CNNM3: variants seen among roughly 807,000 people sequenced by gnomAD.
The protein encoded by CNNM3 is cyclin and CBS domain divalent metal cation transport mediator 3.
A neutral mutation model predicts 57.1 loss-of-function variants in CNNM3; 47 were observed. The observed-to-expected ratio is 0.82, with a 90% CI of 0.65 to 1.05. The LOEUF is 1.05. Among genes scored for constraint, CNNM3 ranks in the 50% least tolerant of loss-of-function variants. The pLI, the probability that CNNM3 is intolerant of heterozygous loss-of-function variation, is 0.00. For synonymous variants in CNNM3, 507 were observed against 478.2 expected, an observed-to-expected ratio of 1.06 and a Z score of -0.79; for missense variants, 957 against 973.7, an observed-to-expected ratio of 0.98 and a Z score of 0.23.
At position 96,832,938 on chromosome 2, in the gene CNNM3, G is replaced by A; in HGVS notation, c.*322G>A. 2 of 1,400,314 alleles carry A rather than the reference G, an allele frequency of 1.4e-6. No individual in the cohort carries two copies. The highest frequency in any genetic ancestry group is 9.4e-7 in the Non-Finnish European group (1 of 1,060,530). The allele number at this position is 1,400,314 out of a possible 1,614,324, so 86.7% of individuals were successfully genotyped here. ...TCTCCCCCGGGGCAGGGACAGTGCG[G>A]CATATTCAGATTCAGACCTCTTTGG... On this transcript the variant is annotated 3_prime_UTR_variant, in exon 8 of 8. Transcript: ENST00000305510.
At chr2:96,836,452 G>C (rs1438430305), downstream of CNNM3, among the ~76,000 whole-genome samples, 1 of 151,984 alleles carries the variant, frequency 6.6e-6, no homozygotes, top group Non-Finnish European at 1.5e-5. Flanking sequence ...TGTTGGTCAG[G>C]CTGGTCTCAA....
In CNNM3 at chr2:96,834,622, T is replaced by G. The variant is rs1042345605; in HGVS notation, c.*2006T>G. On this transcript the variant is annotated 3_prime_UTR_variant, in exon 8 of 8. Transcript: ENST00000305510. ...CCTCGGCCTCCCAAAGTGTTGAGAT[T>G]ATAGGCGTGAGCCACCGTGCCCAGA... Among the ~76,000 whole-genome samples, 2 of 148,138 alleles carry G rather than the reference T, an allele frequency of 1.4e-5. No individual in the cohort carries two copies. The highest frequency in any genetic ancestry group is 5.2e-5 in the African/African-American group (2 of 38,820).
Position 96,816,430 on chromosome 2 carries a change from AG to A in CNNM3, c.157del (p.Ala53ArgfsTer104). 2 of 1,387,018 alleles carry A rather than the reference AG, an allele frequency of 1.4e-6. No individual in the cohort carries two copies. Among genetic ancestry groups the A allele is most frequent in the Non-Finnish European group, 1.9e-6 (2 of 1,073,294 alleles). 85.9% of individuals were successfully genotyped at this position (1,387,018 alleles called of 1,614,324 possible). ...CGGCGGGCGCGGGTTGGGTACGCGG[AG>A]GGGCGGCGCGGGACACGCCGGACGC... ...GAAGAGWVRG[G>X]AARDTPDATF... On this transcript the variant is annotated frameshift_variant, in exon 1 of 8. Coordinates refer to ENST00000305510, the MANE Select transcript of CNNM3 (RefSeq NM_017623.5). LOFTEE classifies it high-confidence loss of function.
rs1219994046 is a variant in CNNM3, at chr2:96,816,346, C to T, written c.69C>T (p.Ala23=). ...TCGCCGCGCTCTGCCTGGGCAACGC[C>T]GCGGGGGAGGCCGCGCCGGGCCCGC... ...WLFAALCLGN[A]AGEAAPGPRV... is the part of the protein sequence containing the mutation. Residue 23 remains alanine (A), a synonymous_variant, in exon 1 of 8, where the codon GCC becomes GCT. Coordinates refer to ENST00000305510, the MANE Select transcript of CNNM3 (RefSeq NM_017623.5). 2.3e-6 allele frequency: 3 copies of T among 1,292,956 alleles called. No homozygotes were observed. In the African/African-American group the frequency reaches 4.6e-5, roughly 20 times the overall value. The allele number at this position is 1,292,956 out of a possible 1,614,324, so 80.1% of individuals were successfully genotyped here. A position where few individuals can be genotyped will look rare whatever the true frequency, so the allele number is the denominator to read the frequency against.
intron 1 of CNNM3, among the ~76,000 whole-genome samples, chr2:96,822,886 AAAATT>A (rs149780929): frequency 0.047 from 7,143 of 152,276 alleles, 555 homozygotes; most frequent in African/African-American, 0.16. Flanking sequence ...CCTGCTAACT[AAAATT>A]AAACTTGAAG....
At chr2:96,821,024 C>G (rs2079398170) in intron 1 of CNNM3, among the ~76,000 whole-genome samples, 1 of 152,144 alleles carries the variant, frequency 6.6e-6, no homozygotes, top group Non-Finnish European at 1.5e-5. Flanking sequence ...TTTCTAAAAG[C>G]TGCCTGACAA....
In CNNM3 at chr2:96,832,820, CAG is replaced by C; in HGVS notation, c.*205_*206del. ...GCCGGCCCTGCCCTCCTTTAGGAGA[CAG>C]GAGTCACCAGGGCACAGCCCTCCAG... On this transcript the variant is annotated 3_prime_UTR_variant, in exon 8 of 8. Transcript: ENST00000305510. 6.6e-7 allele frequency: 1 copy of C among 1,512,176 alleles called. No individual in the cohort carries two copies. The highest frequency in any genetic ancestry group is 8.8e-7 in the Non-Finnish European group (1 of 1,132,406). 93.7% of individuals were successfully genotyped at this position (1,512,176 alleles called of 1,614,324 possible). A position where few individuals can be genotyped will look rare whatever the true frequency, so the allele number is the denominator to read the frequency against.
chr2:96,830,134 T>G (rs932931088), intron 7 of CNNM3, among the ~76,000 whole-genome samples: 6 of 152,236 alleles, frequency 3.9e-5, no homozygotes, highest in Admixed American at 3.9e-4. Flanking sequence ...AAGAAGATAC[T>G]TTAATTCTGA....
In CNNM3 at chr2:96,832,556, C is replaced by T. The variant is rs1184807443; in HGVS notation, c.2064C>T (p.Ser688=). The part of the protein sequence containing the change: ...LGEKTTTAAG[S]SHSRPGVPVE... Reference sequence around the variant, plus strand: ...TCCTTCCCTTGTCTCCTGTAGGGTCCAGCCACAGCAGGCCCGGCGTCCCGG... The same window carrying T: ...TCCTTCCCTTGTCTCCTGTAGGGTCTAGCCACAGCAGGCCCGGCGTCCCGG... The change falls in exon 8 of 8, where the codon TCC becomes TCT. Residue 688 remains serine (S), a synonymous_variant. Coordinates refer to ENST00000305510, the MANE Select transcript of CNNM3 (RefSeq NM_017623.5). 1.2e-6 allele frequency: 2 copies of T among 1,614,106 alleles called. No homozygotes were observed. The highest frequency in any genetic ancestry group is 1.7e-6 in the Non-Finnish European group (2 of 1,180,048).
Position 96,829,058 on chromosome 2 carries a change from C to A in CNNM3, c.1983C>A (p.Ser661=). Residue 661 remains serine (S), a synonymous_variant, in exon 7 of 8, where the codon TCC becomes TCA. Coordinates refer to ENST00000305510, the MANE Select transcript of CNNM3 (RefSeq NM_017623.5). ...LATRAQNLPQ[S]PENTDLQVIP... ...CCCGAGCCCAGAACCTGCCACAGTCCCCTGAGAACACCGACCTGCAGGTTA... is the reference window on the plus strand; with the variant it reads ...CCCGAGCCCAGAACCTGCCACAGTCACCTGAGAACACCGACCTGCAGGTTA... The A allele has an allele frequency of 6.2e-7, 1 of 1,613,998 alleles. No individual in the cohort carries two copies. The highest frequency in any genetic ancestry group is 1.3e-5 in the African/African-American group (1 of 74,980).
At chr2:96,826,088 G>A (rs560937851) in intron 2 of CNNM3, among the ~76,000 whole-genome samples, 3 of 152,320 alleles carry the variant, frequency 2.0e-5, no homozygotes, top group East Asian at 1.9e-4. Flanking sequence ...CTCTAGTTCC[G>A]TTCTTGAGAC....
chr2:96,829,038 G>A lies in CNNM3; in HGVS notation c.1963G>A (p.Ala655Thr), dbSNP rs1046683347. Reference sequence around the variant, plus strand: ...CCTCAATGCACTCCTGGCTACCCGAGCCCAGAACCTGCCACAGTCCCCTGA... The same window carrying A: ...CCTCAATGCACTCCTGGCTACCCGAACCCAGAACCTGCCACAGTCCCCTGA... Reference protein sequence around the residue: ...QYLNALLATRAQNLPQSPENT... With the variant: ...QYLNALLATRTQNLPQSPENT... Residue 655 changes from alanine (A) to threonine (T), a missense_variant, in exon 7 of 8, where the codon GCC becomes ACC. Physicochemically the swap from Ala to Thr is moderately conservative, Grantham distance 58 (BLOSUM62 0). Coordinates refer to ENST00000305510, the MANE Select transcript of CNNM3 (RefSeq NM_017623.5). The A allele has an allele frequency of 1.9e-6, 3 of 1,613,996 alleles. No individual in the cohort carries two copies. Among genetic ancestry groups the A allele is most frequent in the Non-Finnish European group, 2.5e-6 (3 of 1,180,012 alleles).
Position 96,816,879 on chromosome 2 carries a change from T to C in CNNM3, c.602T>C (p.Leu201Pro). ...TGCGCCTTGGGCGCGCTGCTGCTGCTGGCCAGCCTGGCGCAGGCGGCGCTG... is the reference window on the plus strand; with the variant it reads ...TGCGCCTTGGGCGCGCTGCTGCTGCCGGCCAGCCTGGCGCAGGCGGCGCTG... ...AGCALGALLL[L>P]ASLAQAALAV... The change falls in exon 1 of 8, where the codon CTG (leucine) becomes CCG (proline). Residue 201 changes from leucine to proline, a missense_variant. Physicochemically the swap from Leu to Pro is moderately conservative, Grantham distance 98. This residue lies in a region of CNNM3 where 466 missense variants were observed against 403.1 expected (regional missense o/e 1.16). Coordinates refer to ENST00000305510, the MANE Select transcript of CNNM3 (RefSeq NM_017623.5). The C allele has an allele frequency of 1.8e-6, 2 of 1,101,686 alleles. No individual in the cohort carries two copies. Among genetic ancestry groups the C allele is most frequent in the East Asian group, 5.7e-5 (1 of 17,584 alleles). The allele number at this position is 1,101,686 out of a possible 1,614,324, so 68.2% of individuals were successfully genotyped here.
Position 96,833,042 on chromosome 2 carries a change from ATCGCTGCTGGC to A in CNNM3, c.*427_*437del, listed in dbSNP as rs2079631873. On this transcript the variant is annotated 3_prime_UTR_variant, in exon 8 of 8. Coordinates refer to ENST00000305510, the MANE Select transcript of CNNM3 (RefSeq NM_017623.5). Reference sequence around the variant, plus strand: ...TTGTTTGCTTTTAATTTGCCAACCTATCGCTGCTGGCAGCACTTTTTGAGCAAGCCGAGAGC... The same window carrying A: ...TTGTTTGCTTTTAATTTGCCAACCTAAGCACTTTTTGAGCAAGCCGAGAGC... 2 of 1,294,122 alleles carry A rather than the reference ATCGCTGCTGGC, an allele frequency of 1.5e-6. No individual in the cohort carries two copies. The highest frequency in any genetic ancestry group is 2.0e-6 in the Non-Finnish European group (2 of 991,222). 80.2% of individuals were successfully genotyped at this position (1,294,122 alleles called of 1,614,324 possible).
intron 1 of CNNM3, among the ~76,000 whole-genome samples, chr2:96,821,955 G>C (rs2079412764): frequency 6.6e-6 from 1 of 151,416 alleles, no homozygotes; most frequent in Non-Finnish European, 1.5e-5. Context: ...TTGAACCATT[G>C]TTAAGTAAGG....
At chr2:96,820,438 A>T (rs2079389065) in intron 1 of CNNM3, among the ~76,000 whole-genome samples, 1 of 152,192 alleles carries the variant, frequency 6.6e-6, no homozygotes. Context: ...TGGGAGGCAG[A>T]ATAGGAGTGT....
intron 1 of CNNM3, among the ~76,000 whole-genome samples, chr2:96,817,952 T>C (rs2079350054): frequency 6.6e-6 from 1 of 152,240 alleles, no homozygotes; most frequent in African/African-American, 2.4e-5. Flanking sequence ...TCAAATTGAC[T>C]GGACCTGTAA....
At chr2:96,829,155 C>A in intron 7 of CNNM3, 21 bp downstream of exon 7, 2 of 1,612,668 alleles carry the variant, frequency 1.2e-6, no homozygotes, top group East Asian at 4.5e-5. Flanking sequence ...AGTGGTACAT[C>A]GTGCATGGTG....
chr2:96,830,063 A>G (rs1278141205), intron 7 of CNNM3, among the ~76,000 whole-genome samples: 1 of 152,194 alleles, frequency 6.6e-6, no homozygotes, highest in Non-Finnish European at 1.5e-5. Flanking sequence ...GAGGGAGGTG[A>G]AAGAGTCTGA....
Sources: gnomAD v4.1 joint callset for allele counts (sites outside exome capture counted in the v4.1 genomes callset) on GRCh38, gnomAD v4.1.1 for gene constraint, gnomAD v4.1.1 regional missense constraint, MANE v1.5 for transcripts, NCBI Gene and HGNC (gene_info 2026-07-23, HGNC 2026-07-21) for gene names.